Variants in USP10 observed in about 807,000 individuals in gnomAD.
USP10 encodes ubiquitin specific peptidase 10, also known as ubiquitin carboxyl-terminal hydrolase 10.
Under a neutral mutation model 84.5 loss-of-function variants are expected in USP10, and 22 were observed. That is an observed-to-expected ratio of 0.26 (90% CI 0.19 to 0.37). The LOEUF (loss-of-function observed/expected upper bound fraction) is 0.37, where lower values mean the gene tolerates loss of function less well. USP10 is among the 10% of genes least tolerant of loss of function. USP10 has a pLI of 1.00. For missense variants in USP10, 1,019 were observed against 998.9 expected, an observed-to-expected ratio of 1.02 and a Z score of -0.27; for synonymous variants, 454 against 387.6, an observed-to-expected ratio of 1.17 and a Z score of -2.01.
chr16:84,740,625 C>G (rs1482681072), intron 3 of USP10, among the ~76,000 whole-genome samples: 1 of 152,224 alleles, frequency 6.6e-6, no homozygotes, highest in Non-Finnish European at 1.5e-5. Flanking sequence ...TTTTTCCTAA[C>G]AGTTCTGAGT....
chr16:84,704,720 A>C (rs564226063), intron 1 of USP10: 1 of 1,502,840 alleles, frequency 6.7e-7, no homozygotes, highest in African/African-American at 1.4e-5. Context: ...TGAACTGGCT[A>C]TTTTCTGGCT....
chr16:84,715,704 A>T lies in USP10; in HGVS notation c.21+15593A>T, dbSNP rs549916830. Among the ~76,000 whole-genome samples, 3 of 152,156 alleles carry T rather than the reference A, an allele frequency of 2.0e-5. No homozygotes were observed. In the East Asian group the frequency reaches 5.8e-4, roughly 29 times the overall value. ...AACTGGCTTACACCATAAACTAGAGATTTAGTGGCTCATGTAACTAGAAAT... is the reference window on the plus strand; with the variant it reads ...AACTGGCTTACACCATAAACTAGAGTTTTAGTGGCTCATGTAACTAGAAAT... On this transcript the variant is annotated intron_variant, in intron 1 of 13. Transcript: ENST00000219473.
chr16:84,733,410 C>G, intron 1 of USP10, 25 bp from the exon 2 acceptor site: 1 of 1,525,774 alleles, frequency 6.6e-7, no homozygotes, highest in Non-Finnish European at 9.0e-7. Context: ...TTTATGTGAT[C>G]AGTGACTCTC....
chr16:84,731,682 A>G (rs1232514707), intron 1 of USP10, among the ~76,000 whole-genome samples: 1 of 152,106 alleles, frequency 6.6e-6, no homozygotes, highest in Admixed American at 6.5e-5. Flanking sequence ...AGCCTTGTTG[A>G]TTTTGCTATT....
chr16:84,715,913 AT>A (rs1271863338), intron 1 of USP10, among the ~76,000 whole-genome samples: 2 of 152,096 alleles, frequency 1.3e-5, no homozygotes, highest in African/African-American at 4.8e-5. Context: ...CAGGCTTCAC[AT>A]TTGGGCACAG....
chr16:84,733,625 G>C (rs1447832376), intron 2 of USP10, 122 bp downstream of exon 2: 8 of 641,846 alleles, frequency 1.2e-5, no homozygotes, highest in Non-Finnish European at 2.0e-5. Flanking sequence ...AGACTAATAT[G>C]AGAAATGCCT....
intron 3 of USP10, among the ~76,000 whole-genome samples, chr16:84,740,849 C>G (rs1350636254): frequency 6.6e-6 from 1 of 152,234 alleles, no homozygotes; most frequent in Non-Finnish European, 1.5e-5. Flanking sequence ...TCTTCACCTC[C>G]TGGTCTGTTA....
At chr16:84,757,221 C>T (rs1212265424) in intron 4 of USP10, among the ~76,000 whole-genome samples, 1 of 152,094 alleles carries the variant, frequency 6.6e-6, no homozygotes, top group African/African-American at 2.4e-5. Flanking sequence ...AGGCCCAGTT[C>T]GGTATTCCAT....
At chr16:84,764,931 G>GAGAGAAAA (rs11373757) in intron 10 of USP10, among the ~76,000 whole-genome samples, 10 of 39,252 alleles carry the variant, frequency 2.5e-4, no homozygotes, top group South Asian at 2.8e-3. Context: ...GAGAGAGAGA[G>GAGAGAAAA]AAAAAAAAAT....
At chr16:84,753,612 C>G (rs1011418731) in intron 4 of USP10, among the ~76,000 whole-genome samples, 2 of 152,208 alleles carry the variant, frequency 1.3e-5, no homozygotes, top group African/African-American at 4.8e-5. Context: ...CGCGAACCCC[C>G]GTCTTCCTGG....
At chr16:84,723,164 T>G (rs897938140) in intron 1 of USP10, among the ~76,000 whole-genome samples, 9 of 151,554 alleles carry the variant, frequency 5.9e-5, no homozygotes, top group African/African-American at 2.2e-4. Flanking sequence ...TTTTTTGGCC[T>G]TTTTTCCCCC....
intron 1 of USP10, among the ~76,000 whole-genome samples, chr16:84,701,840 T>C (rs1342579385): frequency 6.6e-6 from 1 of 152,112 alleles, no homozygotes; most frequent in Non-Finnish European, 1.5e-5. Flanking sequence ...AGCAACACTT[T>C]GGGTTTATTC....
At chr16:84,733,344 T>TGCAAAGGATTGTTAAAATATGTA in intron 1 of USP10, 91 bp from the exon 2 acceptor site, 4 of 1,004,598 alleles carry the variant, frequency 4.0e-6, no homozygotes, top group Non-Finnish European at 6.1e-6. Flanking sequence ...GCCCAAATGT[T>TGCAAAGGATTGTTAAAATATGTA]GCATAGGATT....
intron 1 of USP10, among the ~76,000 whole-genome samples, chr16:84,714,756 T>C (rs1906780339): frequency 6.6e-6 from 1 of 151,990 alleles, no homozygotes; most frequent in African/African-American, 2.4e-5. Context: ...CCTTAATTCA[T>C]TGATTATTTT....
At chr16:84,708,020 G>A (rs1331503123) in intron 1 of USP10, among the ~76,000 whole-genome samples, 1 of 152,138 alleles carries the variant, frequency 6.6e-6, no homozygotes, top group East Asian at 1.9e-4. Context: ...GGACATTGTA[G>A]TGAGTCGAGA....
At chr16:84,733,031 C>T in intron 1 of USP10, 1 of 446,542 alleles carries the variant, frequency 2.2e-6, no homozygotes, top group Non-Finnish European at 4.4e-6. Context: ...CCATTTGAAC[C>T]ACGTTTTCTG....
intron 1 of USP10, among the ~76,000 whole-genome samples, chr16:84,707,281 T>G (rs1905657000): frequency 6.6e-6 from 1 of 152,260 alleles, no homozygotes; most frequent in African/African-American, 2.4e-5. Context: ...AATGTGCATT[T>G]AGAAACTTTA....
At chr16:84,739,463 G>A (rs1910363653) in intron 2 of USP10, among the ~76,000 whole-genome samples, 1 of 151,884 alleles carries the variant, frequency 6.6e-6, no homozygotes, top group African/African-American at 2.4e-5. Flanking sequence ...AGTAGAGATG[G>A]GGTTTCACCA....
At chr16:84,736,641 C>T (rs1214889826) in intron 2 of USP10, among the ~76,000 whole-genome samples, 1 of 152,138 alleles carries the variant, frequency 6.6e-6, no homozygotes, top group Non-Finnish European at 1.5e-5. Context: ...CTTTAGTTTC[C>T]AGAATCTCAG....
Sources: allele counts gnomAD v4.1 joint callset (sites outside exome capture counted in the v4.1 genomes callset), GRCh38; gene constraint gnomAD v4.1.1; transcripts MANE v1.5; gene names NCBI Gene and HGNC (gene_info 2026-07-23, HGNC 2026-07-21).